Variants in PSMF1 observed in about 807,000 individuals in gnomAD.
PSMF1 encodes proteasome inhibitor PI31 subunit.
A neutral mutation model predicts 29.3 loss-of-function variants in PSMF1; 30 were observed. The ratio of observed to expected loss-of-function variants is 1.02; its 90% confidence interval spans 0.77 to 1.39. PSMF1 has a LOEUF of 1.39. Ranked by LOEUF, PSMF1 falls within the 40% of genes most tolerant of loss-of-function variation. The probability of loss-of-function intolerance (pLI) is 0.00; values close to 1 mark genes in which losing one functional copy is unlikely to be tolerated. For missense variants in PSMF1, 344 were observed against 357.5 expected (o/e 0.96, Z 0.31); for synonymous variants, 134 against 139.7 (o/e 0.96, Z 0.29).
chr20:1,154,698 ATT>A (rs1418781876), intron 4 of PSMF1, among the ~76,000 whole-genome samples: 1 of 152,222 alleles, frequency 6.6e-6, no homozygotes, highest in Non-Finnish European at 1.5e-5. Flanking sequence ...GAGAACCTGC[ATT>A]TTAGCAGGAT....
At chr20:1,134,283 T>A (rs2086274497) in intron 3 of PSMF1, among the ~76,000 whole-genome samples, 1 of 152,162 alleles carries the variant, frequency 6.6e-6, no homozygotes, top group Non-Finnish European at 1.5e-5. Flanking sequence ...CGTATGTTTT[T>A]ATTTTCATTT....
At position 1,163,278 on chromosome 20, in the gene PSMF1, C is replaced by T. The variant is rs2086689122; in HGVS notation, c.605+95C>T. The T allele has an allele frequency of 1.4e-6, 2 of 1,412,590 alleles. No homozygotes were observed. The highest frequency in any genetic ancestry group is 2.0e-6 in the Non-Finnish European group (2 of 1,014,980). 87.5% of individuals were successfully genotyped at this position (1,412,590 alleles called of 1,614,324 possible). On this transcript the variant is annotated intron_variant, in intron 5 of 6. Transcript: ENST00000335877. The surrounding 1 kb of genome is among the most constrained non-coding windows in gnomAD (Gnocchi z 6.1). ...TAATTTTAGAGTTTTCGGTCAGTCTCTTCCTTTGGGGTGGAGGAGGCAGTT... is the reference window on the plus strand; with the variant it reads ...TAATTTTAGAGTTTTCGGTCAGTCTTTTCCTTTGGGGTGGAGGAGGCAGTT...
At chr20:1,144,084 T>TC (rs975451089) in intron 4 of PSMF1, among the ~76,000 whole-genome samples, 10 of 150,044 alleles carry the variant, frequency 6.7e-5, no homozygotes, top group African/African-American at 2.2e-4. Context: ...CAAGACTCCG[T>TC]CCCCCCCAAA....
At chr20:1,151,071 A>G (rs908693492) in intron 4 of PSMF1, among the ~76,000 whole-genome samples, 5 of 152,216 alleles carry the variant, frequency 3.3e-5, no homozygotes, top group East Asian at 1.9e-4. Context: ...TTGTGCAACT[A>G]TTCTCTATTC....
chr20:1,148,086 G>A (rs181650403), intron 4 of PSMF1, among the ~76,000 whole-genome samples: 1 of 152,116 alleles, frequency 6.6e-6, no homozygotes, highest in Non-Finnish European at 1.5e-5. Context: ...ACAAACTAAA[G>A]TTGGAATTGT....
At chr20:1,129,583 C>T (rs1047373905) in intron 3 of PSMF1, among the ~76,000 whole-genome samples, 1 of 152,212 alleles carries the variant, frequency 6.6e-6, no homozygotes, top group South Asian at 2.1e-4. Flanking sequence ...ACCAGTCTTT[C>T]AGACATAGAT....
At chr20:1,116,437 T>C (rs2086012522), upstream of PSMF1, among the ~76,000 whole-genome samples, 1 of 152,154 alleles carries the variant, frequency 6.6e-6, no homozygotes, top group Admixed American at 6.5e-5. Flanking sequence ...TCATCCAGAA[T>C]CTCTGCAGAA....
In PSMF1 at chr20:1,171,650, G is replaced by A. The variant is rs886208283; in HGVS notation, c.*6570G>A. ...AGCTAGGCTGAGTGTTAAGAGGAAGGTGCCATACAGGTTCAGCACCCTGGT... is the reference window on the plus strand; with the variant it reads ...AGCTAGGCTGAGTGTTAAGAGGAAGATGCCATACAGGTTCAGCACCCTGGT... On this transcript the variant is annotated 3_prime_UTR_variant, in exon 7 of 7. Transcript: ENST00000335877. Among the ~76,000 whole-genome samples, 6 of 152,158 alleles carry A rather than the reference G, an allele frequency of 3.9e-5. No homozygotes were observed. Among genetic ancestry groups the A allele is most frequent in the African/African-American group, 1.4e-4 (6 of 41,434 alleles).
At chr20:1,117,709 G>A (rs1240815054), upstream of PSMF1, 3 of 152,408 alleles carry the variant, frequency 2.0e-5, no homozygotes, top group East Asian at 5.8e-4. Flanking sequence ...GAGAGAGACA[G>A]GAATGGAATG....
Position 1,170,894 on chromosome 20 carries a change from C to T in PSMF1, c.*5814C>T, listed in dbSNP as rs1007753583. ...CAGCGTGCTAGGCTTCTCCTCATCG[C>T]ATGTAGTACCCCTGACAACCCCAAG... On this transcript the variant is annotated 3_prime_UTR_variant, in exon 7 of 7. Transcript: ENST00000335877. Among the ~76,000 whole-genome samples, 1 of 152,110 alleles carries T rather than the reference C, an allele frequency of 6.6e-6. No individual in the cohort carries two copies. Among genetic ancestry groups the T allele is most frequent in the Non-Finnish European group, 1.5e-5 (1 of 68,022 alleles).
At chr20:1,113,516 T>A (rs908119552) in intron 1 of PSMF1, 9 of 137,118 alleles carry the variant, frequency 6.6e-5, no homozygotes, top group Admixed American at 3.8e-4. Flanking sequence ...TTCCTCCCAT[T>A]TGTTCCCATC....
rs549188659 is a variant in PSMF1 at position 1,129,041 on chromosome 20, A to AT, written c.365+1545dup. The stretch of plus-strand genomic sequence containing the variant: ...CAGGTGCCCACCACCACGCCTGGCA[A>AT]TTTTTTTTTTTTGTATTTTAGTAGA... On this transcript the variant is annotated intron_variant, in intron 3 of 6. Coordinates refer to ENST00000335877, the MANE Select transcript of PSMF1 (RefSeq NM_006814.5). Among the ~76,000 whole-genome samples, 791 of 145,372 alleles carry AT rather than the reference A, an allele frequency of 5.4e-3. 3 individuals are homozygous for AT. Among genetic ancestry groups the AT allele is most frequent in the Middle Eastern group, 0.022 (6 of 276 alleles).
At chr20:1,137,006 C>T (rs1191609688) in intron 4 of PSMF1, among the ~76,000 whole-genome samples, 1 of 152,192 alleles carries the variant, frequency 6.6e-6, no homozygotes, top group Non-Finnish European at 1.5e-5. Flanking sequence ...TCTAACAAGA[C>T]ATTTGAAAAT....
chr20:1,121,763 A>G (rs1254584622), intron 1 of PSMF1, among the ~76,000 whole-genome samples: 1 of 152,220 alleles, frequency 6.6e-6, no homozygotes, highest in Non-Finnish European at 1.5e-5. Flanking sequence ...AATTGTGTAC[A>G]TAAAACTTGA....
chr20:1,165,239 A>G lies in PSMF1; in HGVS notation c.*159A>G. ...AGCCTCCCCACCCCTTATCAGAGCC[A>G]AGACACCTGCTGCAGCTCTCCACCT... On this transcript the variant is annotated 3_prime_UTR_variant, in exon 7 of 7. Coordinates refer to ENST00000335877, the MANE Select transcript of PSMF1 (RefSeq NM_006814.5). 1 of 1,441,432 alleles carries G rather than the reference A, an allele frequency of 6.9e-7. No individual in the cohort carries two copies. Among genetic ancestry groups the G allele is most frequent in the Non-Finnish European group, 9.1e-7 (1 of 1,098,520 alleles). The allele number at this position is 1,441,432 out of a possible 1,614,324, so 89.3% of individuals were successfully genotyped here.
intron 4 of PSMF1, chr20:1,161,149 TCA>T: frequency 2.7e-6 from 1 of 366,436 alleles, no homozygotes; most frequent in Admixed American, 3.4e-5. Flanking sequence ...ATGAAGATTC[TCA>T]CAGAGTACGA....
At chr20:1,140,779 A>T (rs2086371009) in intron 4 of PSMF1, among the ~76,000 whole-genome samples, 1 of 152,256 alleles carries the variant, frequency 6.6e-6, no homozygotes, top group Non-Finnish European at 1.5e-5. Context: ...ACTCAATTTT[A>T]AAATGTTCAA....
upstream of PSMF1, among the ~76,000 whole-genome samples, chr20:1,115,129 G>A (rs1251374814): frequency 9.1e-6 from 1 of 109,678 alleles, no homozygotes; most frequent in African/African-American, 3.6e-5. Context: ...AAGGGGTGGG[G>A]GTGACGGAGC....
intron 1 of PSMF1, among the ~76,000 whole-genome samples, chr20:1,124,121 TTAG>T (rs1295558378): frequency 6.6e-6 from 1 of 152,174 alleles, no homozygotes; most frequent in Non-Finnish European, 1.5e-5. Context: ...CCTTATTAAT[TTAG>T]TAGTGTCTCT....
Sources: gnomAD v4.1 joint callset for allele counts (sites outside exome capture counted in the v4.1 genomes callset) on GRCh38, gnomAD v4.1.1 for gene constraint, Gnocchi (gnomAD v3.1) non-coding constraint, MANE v1.5 for transcripts, NCBI Gene and HGNC (gene_info 2026-07-23, HGNC 2026-07-21) for gene names.